Variants in FSTL5 observed in about 807,000 individuals in gnomAD.
FSTL5 encodes follistatin-related protein 5.
In FSTL5, 62 loss-of-function variants were observed where a neutral mutation model predicts 89.1. The ratio of observed to expected loss-of-function variants is 0.70; its 90% CI spans 0.57 to 0.86. The LOEUF (loss-of-function observed/expected upper bound fraction) is 0.86, where lower values mean the gene tolerates loss of function less well. Among genes scored for constraint, FSTL5 ranks in the 40% least tolerant of loss-of-function variants. The probability of loss-of-function intolerance (pLI) is 0.00; values close to 1 mark genes in which losing one functional copy is unlikely to be tolerated. For synonymous variants in FSTL5, 383 were observed against 346.2 expected (o/e 1.11, Z -1.18); for missense variants, 1,057 against 1,001.6 (o/e 1.06, Z -0.75).
chr4:161,521,565 G>A (rs1731023244), intron 10 of FSTL5, among the ~76,000 whole-genome samples: 1 of 151,950 alleles, frequency 6.6e-6, no homozygotes. Context: ...AGAAAAACTG[G>A]TGGCCGGGCG....
At chr4:161,658,204 G>A (rs1019039278) in intron 6 of FSTL5, among the ~76,000 whole-genome samples, 5 of 152,070 alleles carry the variant, frequency 3.3e-5, no homozygotes, top group Non-Finnish European at 5.9e-5. Flanking sequence ...GGTGGCTCAC[G>A]CCTGTAATTT....
chr4:161,482,788 T>C (rs760625555), intron 12 of FSTL5, among the ~76,000 whole-genome samples: 2 of 152,254 alleles, frequency 1.3e-5, no homozygotes, highest in Non-Finnish European at 2.9e-5. Flanking sequence ...GCCTGCTGTT[T>C]ATGTTCTCCA....
rs373898553 is a variant in FSTL5, at chr4:161,385,716, C to T, written c.*31G>A. 633 of 1,406,532 alleles carry T rather than the reference C, an allele frequency of 4.5e-4. No homozygotes were observed. The highest frequency in any genetic ancestry group is 5.8e-4 in the Non-Finnish European group (592 of 1,027,378). 87.1% of individuals were successfully genotyped at this position (1,406,532 alleles called of 1,614,324 possible). ...GGATTAAGTGCAATGTATTGTAAAA[C>T]GCTTCATTCAATAATTGTATCGTAG... is the stretch of plus-strand genomic sequence containing the variant. On this transcript the variant is annotated 3_prime_UTR_variant, in exon 16 of 16. Coordinates refer to ENST00000306100, the MANE Select transcript of FSTL5 (RefSeq NM_020116.5).
At chr4:162,036,424 C>T (rs1737742829) in intron 2 of FSTL5, among the ~76,000 whole-genome samples, 1 of 151,970 alleles carries the variant, frequency 6.6e-6, no homozygotes. Flanking sequence ...GATTTTTAAA[C>T]ATGTTGACTT....
intron 7 of FSTL5, among the ~76,000 whole-genome samples, chr4:161,649,615 C>T (rs563509438): frequency 7.2e-5 from 11 of 152,224 alleles, no homozygotes; most frequent in African/African-American, 2.6e-4. Flanking sequence ...ACATTTTATA[C>T]TCTCTTAGAT....
intron 8 of FSTL5, among the ~76,000 whole-genome samples, chr4:161,579,925 A>T (rs562311246): frequency 6.6e-6 from 1 of 152,182 alleles, no homozygotes; most frequent in Admixed American, 6.5e-5. Flanking sequence ...GGTTCTTTGG[A>T]CTTTGCATGT....
chr4:161,953,158 T>A (rs1734943109), intron 3 of FSTL5, among the ~76,000 whole-genome samples: 1 of 151,702 alleles, frequency 6.6e-6, no homozygotes, highest in South Asian at 2.1e-4. Context: ...CTTCAGAGCA[T>A]ATTTTTAAAA....
At chr4:161,636,329 T>C (rs942171587) in intron 7 of FSTL5, among the ~76,000 whole-genome samples, 1 of 151,854 alleles carries the variant, frequency 6.6e-6, no homozygotes, top group African/African-American at 2.4e-5. Context: ...ATAAGGCAAA[T>C]AAGAATCAAA....
At chr4:161,390,247 G>A (rs980341430) in intron 15 of FSTL5, among the ~76,000 whole-genome samples, 5 of 151,996 alleles carry the variant, frequency 3.3e-5, no homozygotes, top group South Asian at 4.2e-4. Flanking sequence ...ATAGATCCTC[G>A]GCTTACCCAA....
At chr4:161,859,187 C>A (rs531685788) in intron 4 of FSTL5, among the ~76,000 whole-genome samples, 1 of 152,298 alleles carries the variant, frequency 6.6e-6, no homozygotes, top group African/African-American at 2.4e-5. Flanking sequence ...CCTATAGTCA[C>A]AAACTTCCCT....
intron 2 of FSTL5, among the ~76,000 whole-genome samples, chr4:162,103,206 C>T (rs1356745257): frequency 6.6e-6 from 1 of 152,100 alleles, no homozygotes; most frequent in Non-Finnish European, 1.5e-5. Context: ...CAGTGAATGC[C>T]AGTTTTCTCT....
intron 6 of FSTL5, among the ~76,000 whole-genome samples, chr4:161,728,604 A>G (rs1207665945): frequency 6.6e-6 from 1 of 152,140 alleles, no homozygotes; most frequent in Non-Finnish European, 1.5e-5. Flanking sequence ...ATATATGATG[A>G]CAAAGAAGAT....
chr4:161,884,847 G>T (rs1009698598), intron 4 of FSTL5, among the ~76,000 whole-genome samples: 1 of 152,122 alleles, frequency 6.6e-6, no homozygotes, highest in African/African-American at 2.4e-5. Context: ...CTTGCTTTGA[G>T]ATCTCATAGA....
At chr4:161,898,648 G>A (rs1026044033) in intron 4 of FSTL5, among the ~76,000 whole-genome samples, 1 of 35,080 alleles carries the variant, frequency 2.9e-5, no homozygotes, top group African/African-American at 1.1e-4. Context: ...TTTTTTTTTT[G>A]AGACGGAGTC....
chr4:161,779,787 A>ATGTATG, intron 4 of FSTL5, among the ~76,000 whole-genome samples: 1 of 30,108 alleles, frequency 3.3e-5, no homozygotes, highest in South Asian at 1.3e-3. Flanking sequence ...ATATATATAT[A>ATGTATG]TATATATATA....
intron 3 of FSTL5, among the ~76,000 whole-genome samples, chr4:161,977,641 ATAATAAT>A (rs1327513064): frequency 7.5e-6 from 1 of 133,504 alleles, no homozygotes; most frequent in Non-Finnish European, 1.6e-5. Context: ...AAAAAAAAAA[ATAATAAT>A]AATAATAATA....
chr4:162,077,596 G>A (rs1028697522), intron 2 of FSTL5, among the ~76,000 whole-genome samples: 1 of 151,644 alleles, frequency 6.6e-6, no homozygotes, highest in African/African-American at 2.4e-5. Flanking sequence ...CAAAATACTT[G>A]TAAGATTTTG....
At chr4:161,987,458 T>TTATA (rs1044926948) in intron 3 of FSTL5, among the ~76,000 whole-genome samples, 1 of 142,184 alleles carries the variant, frequency 7.0e-6, no homozygotes, top group Non-Finnish European at 1.6e-5. Context: ...ACAGCTCACT[T>TTATA]TATATATATA....
chr4:161,762,050 T>C (rs764521190), intron 5 of FSTL5, among the ~76,000 whole-genome samples: 1 of 152,186 alleles, frequency 6.6e-6, no homozygotes, highest in Non-Finnish European at 1.5e-5. Context: ...TGAGGTATGA[T>C]TGATATAAAA....
Sources: gnomAD v4.1 joint callset for allele counts (sites outside exome capture counted in the v4.1 genomes callset) on GRCh38, gnomAD v4.1.1 for gene constraint, MANE v1.5 for transcripts, NCBI Gene and HGNC (gene_info 2026-07-23, HGNC 2026-07-21) for gene names.